GABRB3: variants seen among roughly 807,000 people sequenced by gnomAD.
The protein encoded by GABRB3 is gamma-aminobutyric acid receptor subunit beta-3.
A neutral mutation model predicts 52.1 loss-of-function variants in GABRB3; 14 were observed. The observed-to-expected ratio is 0.27, with a 90% CI of 0.18 to 0.42. The LOEUF (loss-of-function observed/expected upper bound fraction) is 0.42, where lower values mean the gene tolerates loss of function less well. GABRB3 is among the 10% of genes least tolerant of loss of function. GABRB3 has a pLI of 1.00. For synonymous variants in GABRB3, 260 were observed against 232.3 expected, an observed-to-expected ratio of 1.12 and a Z score of -1.08; for missense variants, 307 against 609.1, an observed-to-expected ratio of 0.50 and a Z score of 5.22.
chr15:26,611,833 A>G (rs1892081721), intron 4 of GABRB3: 2 of 152,252 alleles, frequency 1.3e-5, no homozygotes, highest in South Asian at 2.1e-4. Context: ...ATGAAAGTAA[A>G]TAAGAAATAT....
chr15:26,553,599 CA>C (rs1444131875), intron 8 of GABRB3: 1 of 151,990 alleles, frequency 6.6e-6, no homozygotes, highest in Admixed American at 6.6e-5. Flanking sequence ...TTTTAAATAA[CA>C]AAACTGTGAG....
chr15:26,598,646 G>A lies in GABRB3; in HGVS notation c.462-15232C>T, dbSNP rs577478147. Among the ~76,000 whole-genome samples the A allele has an allele frequency of 3.2e-4, 49 of 152,264 alleles. No homozygotes were observed. In the South Asian group the frequency reaches 9.9e-3, roughly 31 times the overall value. On this transcript the variant is annotated intron_variant, in intron 4 of 8. Coordinates refer to ENST00000311550, the MANE Select transcript of GABRB3 (RefSeq NM_000814.6). ...TCTATGGGCACACATATTCTACATG[G>A]GGAAAAGAAAATTGGAGGCAGTCAT...
At position 26,563,233 on chromosome 15, in the gene GABRB3, C is replaced by T. The variant is rs540154688; in HGVS notation, c.836-2057G>A. ...GGCTGAAGGCACACAGGAATAGGTA[C>T]AGCCAGCACATCTCACAGGCACTCA... is the stretch of plus-strand genomic sequence containing the variant. On this transcript the variant is annotated intron_variant, in intron 7 of 8. Transcript: ENST00000311550. Among the ~76,000 whole-genome samples the T allele has an allele frequency of 3.3e-5, 5 of 152,278 alleles. No homozygotes were observed. In the East Asian group the frequency reaches 9.7e-4, roughly 29 times the overall value.
At chr15:26,571,375 T>C (rs575544986) in intron 6 of GABRB3, among the ~76,000 whole-genome samples, 1 of 152,322 alleles carries the variant, frequency 6.6e-6, no homozygotes, top group South Asian at 2.1e-4. Flanking sequence ...AGAAGAGCTA[T>C]ACATACTTCC....
At position 26,545,509 on chromosome 15, in the gene GABRB3, T is replaced by C. The variant is rs1425895938; in HGVS notation, c.*2284A>G. The C allele has an allele frequency of 6.6e-6, 1 of 152,636 alleles. No individual in the cohort carries two copies. Among genetic ancestry groups the C allele is most frequent in the African/African-American group, 2.4e-5 (1 of 41,456 alleles). The allele number at this position is 152,636 out of a possible 1,614,324, so 9.5% of individuals were successfully genotyped here. A position where few individuals can be genotyped will look rare whatever the true frequency, so the allele number is the denominator to read the frequency against. ...TGTCACAGTTCTGAATAGTATAAAT[T>C]ATACACTTAAATAGACCATTGACTG... On this transcript the variant is annotated 3_prime_UTR_variant, in exon 9 of 9. Coordinates refer to ENST00000311550, the MANE Select transcript of GABRB3 (RefSeq NM_000814.6).
intron 3 of GABRB3, among the ~76,000 whole-genome samples, chr15:26,696,867 G>A (rs543396665): frequency 2.6e-5 from 4 of 152,276 alleles, no homozygotes; most frequent in African/African-American, 9.6e-5. Context: ...TGTGCTCTGT[G>A]ACCCCTGGCA....
At chr15:26,610,461 T>C (rs879612208) in intron 4 of GABRB3, among the ~76,000 whole-genome samples, 14 of 152,182 alleles carry the variant, frequency 9.2e-5, no homozygotes, top group Non-Finnish European at 1.9e-4. Context: ...AGGTGGATTG[T>C]GCTTTGGTGG....
chr15:26,579,878 C>T (rs1890725237), intron 6 of GABRB3, among the ~76,000 whole-genome samples: 1 of 152,100 alleles, frequency 6.6e-6, no homozygotes, highest in African/African-American at 2.4e-5. Context: ...GGAGGTGGCG[C>T]AAGTTCCTGG....
intron 8 of GABRB3, among the ~76,000 whole-genome samples, chr15:26,554,189 T>TATATATATATATATATATATATATAC (rs1346521870): frequency 7.3e-5 from 2 of 27,362 alleles, no homozygotes; most frequent in Non-Finnish European, 1.4e-4. Context: ...TATATATATA[T>TATATATATATATATATATATATATAC]ACTATATATA....
intron 8 of GABRB3, 46 bp from the exon 9 acceptor site, chr15:26,548,180 T>C (rs1278714844): frequency 6.8e-7 from 1 of 1,470,570 alleles, no homozygotes; most frequent in East Asian, 2.3e-5. Context: ...AGCAGCATAA[T>C]TTCCCTATGC....
At chr15:26,744,122 G>A (rs79709692) in intron 3 of GABRB3, among the ~76,000 whole-genome samples, 2,936 of 152,200 alleles carry the variant, frequency 0.019, 94 homozygotes, top group African/African-American at 0.067. Flanking sequence ...AATTTTACAC[G>A]GGGCGAGGTT....
At chr15:26,576,354 GAAA>G (rs1274605433) in intron 6 of GABRB3, among the ~76,000 whole-genome samples, 5 of 152,118 alleles carry the variant, frequency 3.3e-5, no homozygotes, top group African/African-American at 1.2e-4. Context: ...AGAATTTCCT[GAAA>G]TGAAATTTTA....
rs1319332465 is a variant in GABRB3 at position 26,635,197 on chromosome 15, A to G, written c.241-13663T>C. Among the ~76,000 whole-genome samples, 6 of 139,120 alleles carry G rather than the reference A, an allele frequency of 4.3e-5. No homozygotes were observed. In the East Asian group the frequency reaches 9.9e-4, roughly 23 times the overall value. The allele number at this position is 139,120 out of a possible 152,430, so 91.3% of individuals were successfully genotyped here. A position where few individuals can be genotyped will look rare whatever the true frequency, so the allele number is the denominator to read the frequency against. ...TGAGAACTGGCTGTGAAAAACATCC[A>G]TATTGCTTGGACAAGGCACCCTCAT... On this transcript the variant is annotated intron_variant, in intron 3 of 8. Coordinates refer to ENST00000311550, the MANE Select transcript of GABRB3 (RefSeq NM_000814.6).
intron 3 of GABRB3, among the ~76,000 whole-genome samples, chr15:26,729,608 G>A (rs973788581): frequency 6.6e-6 from 1 of 152,174 alleles, no homozygotes; most frequent in African/African-American, 2.4e-5. Flanking sequence ...TGTGGATGTG[G>A]AGGGTGGGGA....
At chr15:26,643,071 G>A (rs1893250766) in intron 3 of GABRB3, among the ~76,000 whole-genome samples, 1 of 152,096 alleles carries the variant, frequency 6.6e-6, no homozygotes, top group Admixed American at 6.6e-5. Flanking sequence ...GACCTTCTTA[G>A]ACTGTCTCCT....
At chr15:26,680,554 C>T (rs1888208328) in intron 3 of GABRB3, among the ~76,000 whole-genome samples, 1 of 143,894 alleles carries the variant, frequency 6.9e-6, no homozygotes, top group Admixed American at 7.1e-5. Context: ...TTCGATATGT[C>T]TTCTGGAATA....
intron 3 of GABRB3, among the ~76,000 whole-genome samples, chr15:26,641,710 C>A (rs945567746): frequency 6.6e-6 from 1 of 152,166 alleles, no homozygotes; most frequent in East Asian, 1.9e-4. Flanking sequence ...TGGCCAGATG[C>A]CCCTTGGCTT....
At chr15:26,623,783 C>A (rs1892578071) in intron 3 of GABRB3, among the ~76,000 whole-genome samples, 2 of 152,096 alleles carry the variant, frequency 1.3e-5, no homozygotes, top group Admixed American at 6.5e-5. Flanking sequence ...AGCCTGCACA[C>A]CCCGTGTCAC....
At chr15:26,772,629 C>G (rs1891182869) in intron 2 of GABRB3, 52 bp downstream of exon 2, 1 of 1,476,484 alleles carries the variant, frequency 6.8e-7, no homozygotes. Flanking sequence ...CCGCCCAGGC[C>G]GCCGCCGCCG....
Sources: gnomAD v4.1 joint callset for allele counts (sites outside exome capture counted in the v4.1 genomes callset) on GRCh38, gnomAD v4.1.1 for gene constraint, MANE v1.5 for transcripts, NCBI Gene and HGNC (gene_info 2026-07-23, HGNC 2026-07-21) for gene names.